The following UBASH3B variants were observed in gnomAD, a reference collection of about 807,000 sequenced individuals.
UBASH3B encodes ubiquitin-associated and SH3 domain-containing protein B.
Under a neutral mutation model 83.4 loss-of-function variants are expected in UBASH3B, and 37 were observed. That is an observed-to-expected ratio of 0.44 (90% CI 0.34 to 0.58). The LOEUF (loss-of-function observed/expected upper bound fraction) is 0.58, where lower values mean the gene tolerates loss of function less well. Among genes scored for constraint, UBASH3B ranks in the 20% least tolerant of loss-of-function variants. The probability of loss-of-function intolerance (pLI) is 0.01; values close to 1 mark genes in which losing one functional copy is unlikely to be tolerated. For synonymous variants in UBASH3B, 304 were observed against 318.3 expected, an observed-to-expected ratio of 0.96 and a Z score of 0.48; for missense variants, 657 against 827.2, an observed-to-expected ratio of 0.79 and a Z score of 2.52.
At chr11:122,704,408 G>A (rs1192672364) in intron 1 of UBASH3B, among the ~76,000 whole-genome samples, 4 of 152,186 alleles carry the variant, frequency 2.6e-5, no homozygotes, top group Admixed American at 6.5e-5. Context: ...TGGGGGAACC[G>A]AAGGGCTTTA....
intron 1 of UBASH3B, among the ~76,000 whole-genome samples, chr11:122,672,581 C>T (rs1241115854): frequency 6.6e-6 from 1 of 152,174 alleles, no homozygotes; most frequent in Non-Finnish European, 1.5e-5. Context: ...CTGTTTCGGC[C>T]TCCCAAAGTG....
chr11:122,773,806 G>A (rs1860687026), intron 1 of UBASH3B, among the ~76,000 whole-genome samples: 2 of 151,952 alleles, frequency 1.3e-5, no homozygotes, highest in South Asian at 2.1e-4. Context: ...CATTTCCAGG[G>A]GATACTCCTA....
intron 1 of UBASH3B, among the ~76,000 whole-genome samples, chr11:122,774,771 G>T (rs142617211): frequency 6.6e-6 from 1 of 152,256 alleles, no homozygotes; most frequent in East Asian, 1.9e-4. Flanking sequence ...CACTGTCCAA[G>T]GCTCCTTCTC....
chr11:122,792,340 A>G (rs952951489), intron 6 of UBASH3B, among the ~76,000 whole-genome samples: 1 of 140,278 alleles, frequency 7.1e-6, no homozygotes, highest in Non-Finnish European at 1.5e-5. Flanking sequence ...TTTTTCTGAG[A>G]TGGAGTCTCA....
intron 1 of UBASH3B, among the ~76,000 whole-genome samples, chr11:122,770,831 T>G (rs1432002722): frequency 6.6e-6 from 1 of 152,192 alleles, no homozygotes; most frequent in African/African-American, 2.4e-5. Flanking sequence ...TCATTGCCAA[T>G]ATCCTCATTG....
At chr11:122,713,465 T>C (rs1230053040) in intron 1 of UBASH3B, among the ~76,000 whole-genome samples, 1 of 152,104 alleles carries the variant, frequency 6.6e-6, no homozygotes, top group Non-Finnish European at 1.5e-5. Flanking sequence ...CAAAAGGCCT[T>C]GGAAGGAATA....
intron 1 of UBASH3B, among the ~76,000 whole-genome samples, chr11:122,734,278 G>C (rs1860896760): frequency 6.6e-6 from 1 of 152,218 alleles, no homozygotes; most frequent in South Asian, 2.1e-4. Flanking sequence ...GTGATCAACT[G>C]TGGGCCTTAT....
chr11:122,655,983 G>T lies in UBASH3B; in HGVS notation c.-67G>T. 1 of 732,038 alleles carries T rather than the reference G, an allele frequency of 1.4e-6. No homozygotes were observed. The highest frequency in any genetic ancestry group is 1.9e-6 in the Non-Finnish European group (1 of 532,848). 45.3% of individuals were successfully genotyped at this position (732,038 alleles called of 1,614,324 possible). ...CGAGCCCCCTCCCCTGGCCCAGCCC[G>T]ACTCCCTCCTCCTTCCCGAACCATC... is the stretch of plus-strand genomic sequence containing the variant. On this transcript the variant is annotated 5_prime_UTR_variant, in exon 1 of 14. Transcript: ENST00000284273.
chr11:122,799,272 C>T (rs1359253715), intron 10 of UBASH3B, among the ~76,000 whole-genome samples: 1 of 152,106 alleles, frequency 6.6e-6, no homozygotes, highest in Non-Finnish European at 1.5e-5. Flanking sequence ...AGGCAGATCA[C>T]CTGAGGTCAG....
chr11:122,797,213 T>C (rs965165048), intron 9 of UBASH3B, 180 bp downstream of exon 9: 17 of 798,592 alleles, frequency 2.1e-5, no homozygotes, highest in Non-Finnish European at 7.4e-6. Flanking sequence ...AGCCCTGGGT[T>C]GGTTGACCAA....
intron 1 of UBASH3B, among the ~76,000 whole-genome samples, chr11:122,656,462 G>T (rs981363604): frequency 2.6e-5 from 4 of 152,134 alleles, no homozygotes; most frequent in African/African-American, 7.2e-5. Context: ...GGACGAGGGC[G>T]CGGGGTTCGA....
At chr11:122,707,609 C>A (rs1486021083) in intron 1 of UBASH3B, among the ~76,000 whole-genome samples, 4 of 152,092 alleles carry the variant, frequency 2.6e-5, no homozygotes, top group African/African-American at 9.7e-5. Context: ...GAATAAGCAA[C>A]CTAAATCTCA....
At chr11:122,745,035 C>G (rs554398730) in intron 1 of UBASH3B, among the ~76,000 whole-genome samples, 36 of 152,084 alleles carry the variant, frequency 2.4e-4, no homozygotes, top group African/African-American at 8.4e-4. Flanking sequence ...GTGGTCCTCC[C>G]AGGGAGCCCG....
chr11:122,799,124 T>C (rs1861206170), intron 10 of UBASH3B, 90 bp downstream of exon 10: 3 of 1,087,500 alleles, frequency 2.8e-6, no homozygotes, highest in East Asian at 2.5e-5. Context: ...CATGGGACAT[T>C]TGCCAGTTGA....
intron 1 of UBASH3B, among the ~76,000 whole-genome samples, chr11:122,681,814 G>A (rs1863743302): frequency 6.6e-6 from 1 of 152,186 alleles, no homozygotes; most frequent in African/African-American, 2.4e-5. Flanking sequence ...GTAGAAGCCT[G>A]TTAGGTTACT....
At chr11:122,690,220 ATATATATATCCAATTT>A (rs1217133594) in intron 1 of UBASH3B, among the ~76,000 whole-genome samples, 87 of 131,676 alleles carry the variant, frequency 6.6e-4, no homozygotes, top group Non-Finnish European at 7.4e-4. Flanking sequence ...CCAATTATAT[ATATATATATCCAATTT>A]TATATATATA....
chr11:122,808,326 G>A, intron 13 of UBASH3B, 150 bp downstream of exon 13: 1 of 727,378 alleles, frequency 1.4e-6, no homozygotes, highest in Non-Finnish European at 2.5e-6. Context: ...TGTATTGAGT[G>A]ATACTCTGTG....
chr11:122,779,764 G>A, intron 4 of UBASH3B, 69 bp downstream of exon 4: 2 of 1,583,670 alleles, frequency 1.3e-6, no homozygotes, highest in Non-Finnish European at 1.7e-6. Context: ...AAAAGGATAG[G>A]AAATAGTGGT....
rs753337162 is a variant in UBASH3B, at chr11:122,796,136, TA to T, written c.1114-19del. The T allele has an allele frequency of 6.2e-7, 1 of 1,613,566 alleles. No individual in the cohort carries two copies. The highest frequency in any genetic ancestry group is 1.1e-5 in the South Asian group (1 of 91,000). On this transcript the variant is annotated intron_variant, in intron 7 of 13. Coordinates refer to ENST00000284273, the MANE Select transcript of UBASH3B (RefSeq NM_032873.5). ...ACTTTGCCATGTGTGTCTTCACTAA[TA>T]GCCTTTCTTTCTCTGCAGCCGCTGA...
Sources: allele counts gnomAD v4.1 joint callset (sites outside exome capture counted in the v4.1 genomes callset), GRCh38; gene constraint gnomAD v4.1.1; transcripts MANE v1.5; gene names NCBI Gene and HGNC (gene_info 2026-07-23, HGNC 2026-07-21).